Variants in COL4A6 observed in about 807,000 individuals in gnomAD.
COL4A6 encodes the protein collagen alpha-6(IV) chain.
A neutral mutation model predicts 126.7 loss-of-function variants in COL4A6; 59 were observed. The ratio of observed to expected loss-of-function variants is 0.47; its 90% CI spans 0.38 to 0.58. The LOEUF (loss-of-function observed/expected upper bound fraction) is 0.58. Among genes scored for constraint, COL4A6 ranks in the 20% least tolerant of loss-of-function variants. COL4A6 has a pLI of 0.00. For missense variants in COL4A6, 1,285 were observed against 1,337.3 expected, an observed-to-expected ratio of 0.96 and a Z score of 0.61; for synonymous variants, 547 against 496.6, an observed-to-expected ratio of 1.10 and a Z score of -1.35.
chrX:108,209,496 G>A (rs758071073), intron 8 of COL4A6, among the ~76,000 whole-genome samples: 1 of 111,613 alleles, frequency 9.0e-6, no homozygotes, highest in Non-Finnish European at 1.9e-5. Context: ...AAAAAGTGAC[G>A]ACAATGTGGA....
chrX:108,247,299 A>C (rs1309530052), intron 3 of COL4A6, among the ~76,000 whole-genome samples: 1 of 112,061 alleles, frequency 8.9e-6, no homozygotes, highest in East Asian at 2.8e-4. Flanking sequence ...GTTTCCAGAG[A>C]TGATAATGAG....
chrX:108,182,179 G>A (rs1254952305), intron 23 of COL4A6, among the ~76,000 whole-genome samples: 1 of 112,530 alleles, frequency 8.9e-6, no homozygotes, highest in African/African-American at 3.2e-5. Context: ...ACCTCTCTGA[G>A]CCTCATGGCA....
intron 2 of COL4A6, among the ~76,000 whole-genome samples, chrX:108,370,788 TC>T (rs1386836754): frequency 9.0e-6 from 1 of 111,397 alleles, no homozygotes; most frequent in Non-Finnish European, 1.9e-5. Context: ...AAATTAAAGC[TC>T]CTAGCCCAGC....
At chrX:108,221,490 A>T (rs2036017482) in intron 3 of COL4A6, 116 bp from the exon 4 acceptor site, 2 of 851,052 alleles carry the variant, frequency 2.4e-6, no homozygotes, top group African/African-American at 4.1e-5. Flanking sequence ...TGGCTAAGAG[A>T]TCTGTGAGGC....
intron 3 of COL4A6, among the ~76,000 whole-genome samples, chrX:108,236,573 G>C (rs1238070402): frequency 1.8e-5 from 2 of 111,405 alleles, no homozygotes; most frequent in Non-Finnish European, 3.8e-5. Flanking sequence ...GCTCTGGAGT[G>C]CCTGATACTA....
chrX:108,327,251 G>T (rs2039177597), intron 2 of COL4A6, among the ~76,000 whole-genome samples: 2 of 110,160 alleles, frequency 1.8e-5, no homozygotes, highest in African/African-American at 6.6e-5. Flanking sequence ...CTCCTTTTGA[G>T]AATCTAACTA....
At chrX:108,163,210 C>T (rs1485012900) in intron 40 of COL4A6, 172 bp from the exon 41 acceptor site, 4 of 410,417 alleles carry the variant, frequency 9.7e-6, no homozygotes, top group African/African-American at 7.9e-5. Context: ...AATCTTTATC[C>T]ATCTCTCTCC....
chrX:108,303,576 G>A (rs1163104846), intron 3 of COL4A6, among the ~76,000 whole-genome samples: 2 of 111,953 alleles, frequency 1.8e-5, no homozygotes, highest in Non-Finnish European at 3.8e-5. Context: ...AGGCACATGA[G>A]ATTTATACAA....
intron 2 of COL4A6, among the ~76,000 whole-genome samples, chrX:108,320,678 A>G (rs1387892293): frequency 8.9e-6 from 1 of 112,135 alleles, no homozygotes; most frequent in Non-Finnish European, 1.9e-5. Context: ...ACAGTGCAAA[A>G]CAAGACAGTC....
intron 13 of COL4A6, among the ~76,000 whole-genome samples, chrX:108,201,228 C>A (rs967209015): frequency 9.0e-6 from 1 of 111,695 alleles, no homozygotes; most frequent in Non-Finnish European, 1.9e-5. Context: ...GTCATCTATC[C>A]CCACTGGCCC....
intron 44 of COL4A6, 135 bp from the exon 45 acceptor site, chrX:108,157,395 C>G (rs2148044209): frequency 2.1e-6 from 2 of 930,258 alleles, no homozygotes; most frequent in South Asian, 5.1e-5. Flanking sequence ...GCCCCCAGTT[C>G]AAGCCAGCAT....
At chrX:108,398,355 A>T (rs1320787635) in intron 2 of COL4A6, among the ~76,000 whole-genome samples, 2 of 111,303 alleles carry the variant, frequency 1.8e-5, no homozygotes, top group Non-Finnish European at 3.8e-5. Context: ...TGTACCTTTT[A>T]AAATTTATGT....
At chrX:108,230,576 A>G (rs1289888376) in intron 3 of COL4A6, among the ~76,000 whole-genome samples, 1 of 112,027 alleles carries the variant, frequency 8.9e-6, no homozygotes, top group African/African-American at 3.2e-5. Flanking sequence ...GTAGCCAGGG[A>G]TCTTTCTCCT....
intron 2 of COL4A6, among the ~76,000 whole-genome samples, chrX:108,410,644 A>G (rs2041306490): frequency 1.8e-5 from 2 of 110,763 alleles, no homozygotes; most frequent in Admixed American, 1.9e-4. Flanking sequence ...AAAATAATTT[A>G]CCCCCCTTTC....
At chrX:108,331,946 C>T (rs1293950377) in intron 2 of COL4A6, among the ~76,000 whole-genome samples, 3 of 111,174 alleles carry the variant, frequency 2.7e-5, no homozygotes, top group African/African-American at 9.8e-5. Context: ...TGTTACCCAT[C>T]ACCCAAACAG....
At chrX:108,419,256 G>A (rs189414636) in intron 2 of COL4A6, among the ~76,000 whole-genome samples, 36 of 111,988 alleles carry the variant, frequency 3.2e-4, no homozygotes, top group African/African-American at 1.2e-3. Context: ...AAACAAACCT[G>A]CAATAATACA....
intron 2 of COL4A6, among the ~76,000 whole-genome samples, chrX:108,332,743 A>G (rs1318139702): frequency 9.1e-6 from 1 of 110,483 alleles, no homozygotes; most frequent in Non-Finnish European, 1.9e-5. Context: ...GATTCTAGAC[A>G]TTAGATGCAT....
chrX:108,308,873 T>G, intron 3 of COL4A6, among the ~76,000 whole-genome samples: 1 of 111,841 alleles, frequency 8.9e-6, no homozygotes, highest in Non-Finnish European at 1.9e-5. Flanking sequence ...CAAGGAGGCC[T>G]ACTCTAAGAT....
chrX:108,255,604 A>T (rs2036980846), intron 3 of COL4A6, among the ~76,000 whole-genome samples: 1 of 110,158 alleles, frequency 9.1e-6, no homozygotes. Context: ...ACGTACCCTG[A>T]ATCTGTTTTT....
Sources: allele counts gnomAD v4.1 joint callset (sites outside exome capture counted in the v4.1 genomes callset), GRCh38; gene constraint gnomAD v4.1.1; transcripts MANE v1.5; gene names NCBI Gene and HGNC (gene_info 2026-07-23, HGNC 2026-07-21).